The following JAZF1 variants were observed in gnomAD, a reference collection of about 807,000 sequenced individuals.
The protein encoded by JAZF1 is JAZF zinc finger 1.
Under a neutral mutation model 26.4 loss-of-function variants are expected in JAZF1, and 8 were observed. That is an observed-to-expected ratio of 0.30 (90% confidence interval 0.18 to 0.55). The LOEUF is 0.55. Among genes scored for constraint, JAZF1 ranks in the 20% least tolerant of loss-of-function variants. The pLI, the probability that JAZF1 is intolerant of heterozygous loss-of-function variation, is 0.94. For synonymous variants in JAZF1, 126 were observed against 122.3 expected, an observed-to-expected ratio of 1.03 and a Z score of -0.20; for missense variants, 199 against 322.0, an observed-to-expected ratio of 0.62 and a Z score of 2.92.
chr7:27,995,803 A>G (rs1786003941), intron 1 of JAZF1, among the ~76,000 whole-genome samples: 1 of 152,212 alleles, frequency 6.6e-6, no homozygotes, highest in Non-Finnish European at 1.5e-5. Flanking sequence ...CTAGTAACTT[A>G]TGGTTTTACA....
At chr7:28,025,529 C>T (rs1783080747) in intron 1 of JAZF1, among the ~76,000 whole-genome samples, 1 of 152,178 alleles carries the variant, frequency 6.6e-6, no homozygotes. Flanking sequence ...AGGCCAGCCT[C>T]ATTCTACTAT....
chr7:28,000,591 ATTTTCT>A (rs1165347924), intron 1 of JAZF1, among the ~76,000 whole-genome samples: 18 of 140,512 alleles, frequency 1.3e-4, no homozygotes, highest in South Asian at 2.3e-4. Flanking sequence ...AAGTGCTCCT[ATTTTCT>A]TTTTCTTTCT....
chr7:28,140,088 T>C lies in JAZF1; in HGVS notation c.115+40375A>G, dbSNP rs1193843708. Among the ~76,000 whole-genome samples, 6 of 151,366 alleles carry C rather than the reference T, an allele frequency of 4.0e-5. No homozygotes were observed. In the East Asian group the frequency reaches 1.2e-3, roughly 29 times the overall value. On this transcript the variant is annotated intron_variant, in intron 1 of 4. Coordinates refer to ENST00000283928, the MANE Select transcript of JAZF1 (RefSeq NM_175061.4). ...AAAAGTTGAAAGTCACAAATCTTTTTTTTTTTTTTTTTGAGACGGAGTTTC... is the reference window on the plus strand; with the variant it reads ...AAAAGTTGAAAGTCACAAATCTTTTCTTTTTTTTTTTTGAGACGGAGTTTC...
intron 3 of JAZF1, among the ~76,000 whole-genome samples, chr7:27,864,851 T>C (rs1240108008): frequency 1.3e-5 from 2 of 152,154 alleles, no homozygotes; most frequent in Non-Finnish European, 2.9e-5. Context: ...AATGACTTAT[T>C]TTCCCTTAAC....
In JAZF1 at chr7:27,982,803, C is replaced by A. The variant is rs150826677; in HGVS notation, c.188+9106G>T. 3.2e-3 allele frequency among the ~76,000 whole-genome samples: 481 copies of A among 152,292 alleles called. 4 individuals carry two copies. The highest frequency in any genetic ancestry group is 9.7e-3 in the East Asian group (50 of 5,164). On this transcript the variant is annotated intron_variant, in intron 2 of 4. Coordinates refer to ENST00000283928, the MANE Select transcript of JAZF1 (RefSeq NM_175061.4). ...CCTGCAATATTTGCTGTTCTGCAGC[C>A]TCCGCTGGTGATACACAGGCAAACA...
chr7:27,988,705 T>C (rs1350546094), intron 2 of JAZF1, among the ~76,000 whole-genome samples: 1 of 152,034 alleles, frequency 6.6e-6, no homozygotes, highest in African/African-American at 2.4e-5. Flanking sequence ...AAATAGCATA[T>C]CATTGTTTGA....
intron 2 of JAZF1, among the ~76,000 whole-genome samples, chr7:27,920,172 T>G (rs896770846): frequency 6.6e-6 from 1 of 152,238 alleles, no homozygotes; most frequent in Non-Finnish European, 1.5e-5. Flanking sequence ...AACTTCAGCT[T>G]CATTTGGCAA....
At chr7:28,142,571 C>T (rs1431860659) in intron 1 of JAZF1, among the ~76,000 whole-genome samples, 2 of 152,166 alleles carry the variant, frequency 1.3e-5, no homozygotes, top group Admixed American at 6.5e-5. Context: ...CGCACCTTTC[C>T]TTTGTCCTGC....
At chr7:27,932,402 G>A (rs534887202) in intron 2 of JAZF1, among the ~76,000 whole-genome samples, 15 of 152,304 alleles carry the variant, frequency 9.8e-5, no homozygotes, top group African/African-American at 3.6e-4. Context: ...ACATCATAAT[G>A]TAATACTTTA....
intron 2 of JAZF1, among the ~76,000 whole-genome samples, chr7:27,939,197 G>A (rs1784805745): frequency 1.3e-5 from 2 of 152,190 alleles, no homozygotes; most frequent in South Asian, 4.1e-4. Flanking sequence ...GGAGCTTTAG[G>A]AATGGTTTTG....
intron 1 of JAZF1, among the ~76,000 whole-genome samples, chr7:28,150,126 AAGG>A: frequency 6.6e-6 from 1 of 152,192 alleles, no homozygotes; most frequent in African/African-American, 2.4e-5. Context: ...GTGTTACTAT[AAGG>A]AGGACAGGAT....
chr7:28,081,905 T>C (rs1784142985), intron 1 of JAZF1, among the ~76,000 whole-genome samples: 2 of 152,230 alleles, frequency 1.3e-5, no homozygotes, highest in Non-Finnish European at 2.9e-5. Flanking sequence ...ATAGTAAAAC[T>C]ATTAATCTAT....
intron 1 of JAZF1, among the ~76,000 whole-genome samples, chr7:28,079,566 A>G (rs1325528724): frequency 1.3e-5 from 2 of 152,330 alleles, no homozygotes; most frequent in Non-Finnish European, 2.9e-5. Flanking sequence ...AACAAAAATG[A>G]CCTGAGAGTT....
At chr7:27,944,162 C>G (rs11982766) in intron 2 of JAZF1, among the ~76,000 whole-genome samples, 2 of 152,046 alleles carry the variant, frequency 1.3e-5, no homozygotes, top group African/African-American at 2.4e-5. Context: ...CTGAACACTA[C>G]TACAAAAGGA....
At chr7:28,053,959 T>TA (rs1211163425) in intron 1 of JAZF1, among the ~76,000 whole-genome samples, 1 of 152,206 alleles carries the variant, frequency 6.6e-6, no homozygotes, top group South Asian at 2.1e-4. Flanking sequence ...GGAAAGCCAT[T>TA]AGTCTTTATG....
chr7:28,062,229 C>G (rs960107003), intron 1 of JAZF1, among the ~76,000 whole-genome samples: 7 of 152,104 alleles, frequency 4.6e-5, no homozygotes, highest in African/African-American at 7.2e-5. Flanking sequence ...GGACTGGACT[C>G]GAAGCATTTC....
At chr7:27,936,864 A>G (rs1179720506) in intron 2 of JAZF1, among the ~76,000 whole-genome samples, 1 of 152,214 alleles carries the variant, frequency 6.6e-6, no homozygotes, top group Admixed American at 6.5e-5. Flanking sequence ...CTCCAGCTAA[A>G]CATATTTTTA....
intron 2 of JAZF1, among the ~76,000 whole-genome samples, chr7:27,969,766 G>C (rs531888647): frequency 3.2e-4 from 49 of 150,786 alleles, no homozygotes; most frequent in Non-Finnish European, 5.9e-4. Flanking sequence ...CTGAGCTGCA[G>C]GTTTTTAGAG....
chr7:27,886,850 C>A (rs1783875267), intron 3 of JAZF1, among the ~76,000 whole-genome samples: 1 of 152,196 alleles, frequency 6.6e-6, no homozygotes. Context: ...GGAATCAACC[C>A]AGATGCCCAT....
Sources: allele counts gnomAD v4.1 joint callset (sites outside exome capture counted in the v4.1 genomes callset), GRCh38; gene constraint gnomAD v4.1.1; transcripts MANE v1.5; gene names NCBI Gene and HGNC (gene_info 2026-07-23, HGNC 2026-07-21).